Variants in NBAS observed in about 807,000 individuals in gnomAD.
NBAS encodes NBAS subunit of NRZ tethering complex.
A neutral mutation model predicts 302.5 loss-of-function variants in NBAS; 219 were observed. The observed-to-expected ratio is 0.72, with a 90% CI of 0.65 to 0.81. The LOEUF (loss-of-function observed/expected upper bound fraction) is 0.81. NBAS is among the 30% of genes least tolerant of loss of function. NBAS has a pLI of 0.00. For synonymous variants in NBAS, 1,118 were observed against 1,021.6 expected (o/e 1.09, Z -1.80); for missense variants, 2,932 against 2,841.6 (o/e 1.03, Z -0.72).
chr2:15,071,434 G>A, the NBAS span, among the ~76,000 whole-genome samples: 2 of 152,096 alleles, frequency 1.3e-5, no homozygotes, highest in Non-Finnish European at 2.9e-5. Flanking sequence ...GACCAGCCCG[G>A]CCAATACGGT....
At chr2:14,827,634 C>A in the NBAS span, among the ~76,000 whole-genome samples, 1 of 152,164 alleles carries the variant, frequency 6.6e-6, no homozygotes, top group Non-Finnish European at 1.5e-5. Context: ...AGAAGGAAAT[C>A]CTGTCATATG....
the NBAS span, among the ~76,000 whole-genome samples, chr2:15,068,006 A>G: frequency 2.0e-5 from 3 of 152,372 alleles, no homozygotes; most frequent in Middle Eastern, 6.8e-3. Context: ...TCTAAGTTTT[A>G]GAGTTTAACA....
the NBAS span, among the ~76,000 whole-genome samples, chr2:15,089,807 G>A: frequency 7.1e-6 from 1 of 140,398 alleles, no homozygotes; most frequent in Non-Finnish European, 1.5e-5. Context: ...GGAGTGCAGT[G>A]GCACAATCTC....
intron 45 of NBAS, among the ~76,000 whole-genome samples, chr2:15,237,771 ATTTT>A (rs765648566): frequency 3.0e-5 from 2 of 66,552 alleles, no homozygotes; most frequent in East Asian, 3.6e-4. Flanking sequence ...TAATGTTTGT[ATTTT>A]TTTTTTTTTT....
At chr2:15,099,387 C>A in the NBAS span, among the ~76,000 whole-genome samples, 3 of 152,010 alleles carry the variant, frequency 2.0e-5, no homozygotes, top group Non-Finnish European at 4.4e-5. Context: ...CTTCTCTCTA[C>A]CTTTCAAATA....
intron 3 of NBAS, 97 bp from the exon 4 acceptor site, chr2:15,554,235 T>A (rs896685892): frequency 9.8e-7 from 1 of 1,023,286 alleles, no homozygotes. Context: ...AGACACAGAT[T>A]TTTTTCCATT....
the NBAS span, among the ~76,000 whole-genome samples, chr2:14,821,972 G>A: frequency 6.6e-6 from 1 of 152,130 alleles, no homozygotes; most frequent in Admixed American, 6.5e-5. Flanking sequence ...GAAGGAGGTT[G>A]CAGTGAGCCG....
intron 51 of NBAS, 146 bp from the exon 52 acceptor site, chr2:15,167,469 T>C: frequency 9.9e-7 from 1 of 1,013,394 alleles, no homozygotes; most frequent in Non-Finnish European, 1.5e-6. Flanking sequence ...CGAGCACCTC[T>C]GAGGTAGGTC....
intron 45 of NBAS, among the ~76,000 whole-genome samples, chr2:15,237,141 T>C (rs1323765175): frequency 2.0e-5 from 3 of 152,340 alleles, no homozygotes; most frequent in Non-Finnish European, 2.9e-5. Flanking sequence ...ATTATTCATA[T>C]ATATAAGCAC....
chr2:14,994,755 C>T, the NBAS span, among the ~76,000 whole-genome samples: 1 of 152,324 alleles, frequency 6.6e-6, no homozygotes, highest in Non-Finnish European at 1.5e-5. Flanking sequence ...ATTGTGGGCT[C>T]TGCCAGGAAC....
At chr2:15,171,278 C>T (rs150105873) in intron 51 of NBAS, among the ~76,000 whole-genome samples, 20 of 152,240 alleles carry the variant, frequency 1.3e-4, no homozygotes, top group African/African-American at 4.1e-4. Context: ...GGCTGTGTGA[C>T]GGTAATTTGT....
chr2:14,809,877 A>G, the NBAS span, among the ~76,000 whole-genome samples: 1 of 152,170 alleles, frequency 6.6e-6, no homozygotes, highest in Admixed American at 6.5e-5. Context: ...AAGGGAATCT[A>G]CCTATTGCAT....
chr2:15,405,671 A>G (rs1676374132), intron 25 of NBAS, among the ~76,000 whole-genome samples: 1 of 152,238 alleles, frequency 6.6e-6, no homozygotes, highest in African/African-American at 2.4e-5. Flanking sequence ...CAACTAGAAA[A>G]GAACACAGAT....
the NBAS span, among the ~76,000 whole-genome samples, chr2:15,089,521 G>A: frequency 2.6e-5 from 4 of 151,996 alleles, no homozygotes; most frequent in Non-Finnish European, 4.4e-5. Context: ...CCACAGGCTC[G>A]GATACTCCCA....
the NBAS span, among the ~76,000 whole-genome samples, chr2:14,908,813 C>T: frequency 1.3e-5 from 2 of 152,130 alleles, no homozygotes; most frequent in South Asian, 2.1e-4. Context: ...CCTCTCAACA[C>T]GCTGATGCCA....
chr2:15,123,065 C>T, the NBAS span, among the ~76,000 whole-genome samples: 2 of 152,332 alleles, frequency 1.3e-5, no homozygotes, highest in East Asian at 3.9e-4. Flanking sequence ...GTGACTTCCC[C>T]CAGGAACAGC....
At chr2:15,350,891 C>T (rs981623147) in intron 35 of NBAS, among the ~76,000 whole-genome samples, 1 of 152,152 alleles carries the variant, frequency 6.6e-6, no homozygotes, top group Non-Finnish European at 1.5e-5. Flanking sequence ...CACTACTGTT[C>T]AAAGTCTCAT....
chr2:15,440,247 G>A (rs1047211615), intron 21 of NBAS, among the ~76,000 whole-genome samples: 1 of 152,228 alleles, frequency 6.6e-6, no homozygotes, highest in South Asian at 2.1e-4. Flanking sequence ...AGCCTAACTG[G>A]GAGACAGCCC....
chr2:15,093,151 C>G, the NBAS span, among the ~76,000 whole-genome samples: 1 of 152,162 alleles, frequency 6.6e-6, no homozygotes, highest in Non-Finnish European at 1.5e-5. Flanking sequence ...TGCAGTGGCT[C>G]ACATCTGTAA....
Sources: gnomAD v4.1 joint callset for allele counts (sites outside exome capture counted in the v4.1 genomes callset) on GRCh38, gnomAD v4.1.1 for gene constraint, MANE v1.5 for transcripts, NCBI Gene and HGNC (gene_info 2026-07-23, HGNC 2026-07-21) for gene names.